The following NSDHL variants were observed in gnomAD, a reference collection of about 807,000 sequenced individuals.
The protein encoded by NSDHL is NAD(P) dependent 3-beta-hydroxysteroid dehydrogenase NSDHL.
In NSDHL, 1 loss-of-function variant was observed where a neutral mutation model predicts 23.0. That is an observed-to-expected ratio of 0.04 (90% confidence interval 0.02 to 0.21). The LOEUF is 0.21. Among genes scored for constraint, NSDHL ranks in the 10% least tolerant of loss-of-function variants. The pLI, the probability that NSDHL is intolerant of heterozygous loss-of-function variation, is 1.00. For synonymous variants in NSDHL, 128 were observed against 121.1 expected, an observed-to-expected ratio of 1.06 and a Z score of -0.37; for missense variants, 237 against 300.9, an observed-to-expected ratio of 0.79 and a Z score of 1.57.
chrX:152,862,700 A>G lies in NSDHL; in HGVS notation c.519A>G (p.Thr173=), dbSNP rs1011950478. The change falls in exon 5 of 8, where the codon ACA becomes ACG. Residue 173 remains threonine, a synonymous_variant. Coordinates refer to ENST00000370274, the MANE Select transcript of NSDHL (RefSeq NM_015922.3). The part of the protein sequence containing the change: ...PYAMKPIDYY[T]ETKILQERAV... ...CCATGAAACCCATTGACTACTACAC[A>G]GAGACTAAGATCTTACAGGAGAGGG... 6.6e-6 allele frequency: 8 copies of G among 1,207,755 alleles called. No homozygotes were observed. Among genetic ancestry groups the G allele is most frequent in the African/African-American group, 1.8e-5 (1 of 57,076 alleles).
chrX:152,858,415 A>G (rs1271181539), intron 3 of NSDHL, among the ~76,000 whole-genome samples: 3 of 111,983 alleles, frequency 2.7e-5, no homozygotes, highest in African/African-American at 6.5e-5. Flanking sequence ...GAACTTTTTC[A>G]TGTGATTCAT....
intron 5 of NSDHL, among the ~76,000 whole-genome samples, chrX:152,863,017 C>T (rs1390152441): frequency 3.6e-5 from 4 of 110,603 alleles, no homozygotes; most frequent in East Asian, 5.7e-4. Flanking sequence ...CAAAAATTAG[C>T]CCAGCATGGT....
intron 3 of NSDHL, among the ~76,000 whole-genome samples, chrX:152,858,293 A>G (rs1362822248): frequency 1.8e-5 from 2 of 112,371 alleles, no homozygotes; most frequent in Admixed American, 9.4e-5. Context: ...TCCTTTTAGC[A>G]GTAAATCAAA....
At chrX:152,848,143 C>T (rs141241553) in intron 2 of NSDHL, among the ~76,000 whole-genome samples, 1,500 of 111,455 alleles carry the variant, frequency 0.013, 23 homozygotes, top group African/African-American at 0.046. Context: ...GGATTACAGG[C>T]ATGAGCCACC....
chrX:152,834,028 A>G (rs1216509523), intron 1 of NSDHL, among the ~76,000 whole-genome samples: 2 of 112,840 alleles, frequency 1.8e-5, no homozygotes, highest in African/African-American at 3.2e-5. Flanking sequence ...TTTTACAGAT[A>G]AGGCCTCATG....
intron 1 of NSDHL, among the ~76,000 whole-genome samples, chrX:152,832,566 C>T (rs1462508026): frequency 8.9e-6 from 1 of 112,128 alleles, no homozygotes; most frequent in African/African-American, 3.2e-5. Context: ...TAAAGGGCTC[C>T]TTAGCCTGGC....
chrX:152,868,335 C>T (rs1933643545), intron 7 of NSDHL, among the ~76,000 whole-genome samples: 1 of 110,652 alleles, frequency 9.0e-6, no homozygotes, highest in Non-Finnish European at 1.9e-5. Context: ...GACGGGGTTT[C>T]ACCATGTTGG....
intron 1 of NSDHL, among the ~76,000 whole-genome samples, chrX:152,837,699 A>T (rs1429682817): frequency 2.7e-5 from 3 of 112,102 alleles, no homozygotes; most frequent in Non-Finnish European, 3.8e-5. Flanking sequence ...TCAGTTTGCC[A>T]GTATTTTATT....
At chrX:152,863,965 G>T (rs1221455835) in intron 5 of NSDHL, among the ~76,000 whole-genome samples, 3 of 109,141 alleles carry the variant, frequency 2.7e-5, no homozygotes, top group Non-Finnish European at 5.7e-5. Context: ...AGGCTGGAGT[G>T]CAGTGGCACG....
intron 6 of NSDHL, among the ~76,000 whole-genome samples, chrX:152,866,918 T>A (rs1297958645): frequency 9.0e-5 from 10 of 111,550 alleles, no homozygotes. Context: ...TGTTTGGAAA[T>A]TGAAGAAACC....
In NSDHL at chrX:152,867,200, A is replaced by G. The variant is rs369199114; in HGVS notation, c.687-371A>G. Among the ~76,000 whole-genome samples the G allele has an allele frequency of 4.5e-5, 5 of 111,389 alleles. No individual in the cohort carries two copies. The East Asian group carries it at 8.5e-4, about 19-fold the overall frequency. On this transcript the variant is annotated intron_variant, in intron 6 of 7. Transcript: ENST00000370274. ...ACTGCTACCCTGACTTGTCACCTTG[A>G]AGGATTACAGGGAGACTGGTCAATA... is the stretch of plus-strand genomic sequence containing the variant.
chrX:152,854,866 T>A (rs781993339), intron 3 of NSDHL, among the ~76,000 whole-genome samples: 24 of 109,541 alleles, frequency 2.2e-4, no homozygotes, highest in South Asian at 2.0e-3. Context: ...TCTTTTTTTT[T>A]AAAAATGTGT....
At chrX:152,856,305 A>G (rs978537053) in intron 3 of NSDHL, among the ~76,000 whole-genome samples, 2 of 112,590 alleles carry the variant, frequency 1.8e-5, no homozygotes, top group Admixed American at 1.9e-4. Context: ...TACCTACAGA[A>G]AAAAGGAATG....
rs926345259 is a variant in NSDHL at position 152,831,085 on chromosome X, G to A, written c.-76G>A. 2 of 301,801 alleles carry A rather than the reference G, an allele frequency of 6.6e-6. No individual in the cohort carries two copies. The highest frequency in any genetic ancestry group is 1.2e-4 in the Admixed American group (2 of 16,308). The allele number at this position is 301,801 out of a possible 1,213,427, so 24.9% of individuals were successfully genotyped here. A position where few individuals can be genotyped will look rare whatever the true frequency, so the allele number is the denominator to read the frequency against. On this transcript the variant is annotated 5_prime_UTR_variant, in exon 1 of 8. Transcript: ENST00000370274. The stretch of plus-strand genomic sequence containing the variant: ...TTCAGTGGGTGCAGCCTGCTTGCGA[G>A]CTGAGGCCAGACAGGGGGGCGCCTA...
At chrX:152,846,041 G>A (rs782490003) in intron 1 of NSDHL, among the ~76,000 whole-genome samples, 8 of 112,919 alleles carry the variant, frequency 7.1e-5, no homozygotes, top group Admixed American at 6.5e-4. Context: ...CCTCCTGTGC[G>A]CCTCTAATCT....
chrX:152,836,861 G>T (rs1356570328), intron 1 of NSDHL, among the ~76,000 whole-genome samples: 1 of 112,208 alleles, frequency 8.9e-6, no homozygotes, highest in African/African-American at 3.2e-5. Context: ...TAGCTTGATG[G>T]TGATGGCATT....
At chrX:152,839,985 G>C (rs782504969) in intron 1 of NSDHL, among the ~76,000 whole-genome samples, 47 of 112,126 alleles carry the variant, frequency 4.2e-4, no homozygotes, top group African/African-American at 1.4e-3. Context: ...TTATTTGGAG[G>C]CTTTGTTCAT....
chrX:152,833,652 G>A (rs1184343881), intron 1 of NSDHL, among the ~76,000 whole-genome samples: 2 of 112,114 alleles, frequency 1.8e-5, no homozygotes, highest in East Asian at 5.6e-4. Context: ...GACACCATGC[G>A]CTCTGTTTTA....
At chrX:152,860,092 A>G (rs893413667) in intron 4 of NSDHL, among the ~76,000 whole-genome samples, 2 of 112,233 alleles carry the variant, frequency 1.8e-5, no homozygotes, top group East Asian at 2.8e-4. Context: ...TCCTCTCCCA[A>G]CAACCTGTCC....
Sources: allele counts gnomAD v4.1 joint callset (sites outside exome capture counted in the v4.1 genomes callset), GRCh38; gene constraint gnomAD v4.1.1; transcripts MANE v1.5; gene names NCBI Gene and HGNC (gene_info 2026-07-23, HGNC 2026-07-21).